The following MCM8 variants were observed in gnomAD, a reference collection of about 807,000 sequenced individuals.
The protein encoded by MCM8 is minichromosome maintenance 8 homologous recombination repair factor.
In MCM8, 85 loss-of-function variants were observed where a neutral mutation model predicts 98.9. The ratio of observed to expected loss-of-function variants is 0.86; its 90% CI spans 0.72 to 1.03. MCM8 has a LOEUF of 1.03. MCM8 is among the 50% of genes least tolerant of loss of function. The pLI is 0.00. For missense variants in MCM8, 951 were observed against 997.8 expected, an observed-to-expected ratio of 0.95 and a Z score of 0.63; for synonymous variants, 352 against 338.6, an observed-to-expected ratio of 1.04 and a Z score of -0.44.
At chr20:5,970,401 C>T (rs565950863) in intron 10 of MCM8, among the ~76,000 whole-genome samples, 3 of 152,290 alleles carry the variant, frequency 2.0e-5, no homozygotes, top group East Asian at 1.9e-4. Flanking sequence ...GGTGCCTTAA[C>T]GAACAGGTGA....
chr20:5,962,352 C>CTTTTTTTTTTTTTTT (rs926577182), intron 7 of MCM8, among the ~76,000 whole-genome samples: 1 of 40,580 alleles, frequency 2.5e-5, no homozygotes. Context: ...GCCTTCATTT[C>CTTTTTTTTTTTTTTT]TTTTTTTTTT....
At chr20:5,967,384 C>G in intron 8 of MCM8, 52 bp from the exon 9 acceptor site, 3 of 1,538,374 alleles carry the variant, frequency 2.0e-6, no homozygotes, top group Non-Finnish European at 2.7e-6. Context: ...TAATATCTTG[C>G]AGAAACCATC....
chr20:5,966,452 T>G (rs1248584886), intron 8 of MCM8, among the ~76,000 whole-genome samples: 1 of 152,208 alleles, frequency 6.6e-6, no homozygotes, highest in African/African-American at 2.4e-5. Context: ...CTTTAAATTT[T>G]CTTGATTTTG....
chr20:5,985,655 C>G (rs1182028807), intron 15 of MCM8, among the ~76,000 whole-genome samples: 1 of 151,894 alleles, frequency 6.6e-6, no homozygotes, highest in Non-Finnish European at 1.5e-5. Flanking sequence ...AAGTGATTCT[C>G]CTGCCTCAGT....
chr20:5,974,837 A>G (rs957222298), intron 12 of MCM8, among the ~76,000 whole-genome samples: 5 of 152,172 alleles, frequency 3.3e-5, no homozygotes, highest in East Asian at 1.9e-4. Flanking sequence ...TAGATATTTC[A>G]TCTATGTTTG....
chr20:5,989,813 G>A (rs2089810554), intron 17 of MCM8, among the ~76,000 whole-genome samples: 1 of 152,116 alleles, frequency 6.6e-6, no homozygotes, highest in South Asian at 2.1e-4. Flanking sequence ...CCCTTAGAGG[G>A]AGTCCATGGA....
chr20:5,980,385 G>A (rs1333531776), intron 13 of MCM8, among the ~76,000 whole-genome samples: 1 of 151,900 alleles, frequency 6.6e-6, no homozygotes, highest in Non-Finnish European at 1.5e-5. Flanking sequence ...TATATAGAAG[G>A]CATTCAGTTT....
rs1431515829 is a variant in MCM8, at chr20:5,973,247, A to G, written c.1395+51A>G. ...GTTCTTTTGCTTGTAAAATGCGTTAATAATTCACAAGTGAATTTTCTCAAA... is the reference window on the plus strand; with the variant it reads ...GTTCTTTTGCTTGTAAAATGCGTTAGTAATTCACAAGTGAATTTTCTCAAA... On this transcript the variant is annotated intron_variant, in intron 12 of 18. Coordinates refer to ENST00000610722, the MANE Select transcript of MCM8 (RefSeq NM_032485.6). 3.1e-6 allele frequency: 5 copies of G among 1,602,210 alleles called. No homozygotes were observed. In the African/African-American group the frequency reaches 5.4e-5, roughly 17 times the overall value.
chr20:5,987,430 C>A, intron 17 of MCM8, 72 bp downstream of exon 17: 3 of 1,249,568 alleles, frequency 2.4e-6, no homozygotes, highest in African/African-American at 1.5e-5. Flanking sequence ...GGTAATAGGC[C>A]AAGGCTACTT....
intron 8 of MCM8, chr20:5,964,454 A>T (rs909491442): frequency 3.3e-5 from 5 of 152,242 alleles, no homozygotes; most frequent in African/African-American, 1.2e-4. Context: ...AAGACTCTTG[A>T]GTATGATCGT....
At chr20:5,972,774 A>G (rs1568584332) in intron 11 of MCM8, 2 of 1,368,506 alleles carry the variant, frequency 1.5e-6, no homozygotes, top group Non-Finnish European at 1.9e-6. Context: ...GTATTAAAGC[A>G]AAAACAAATA....
chr20:5,954,984 C>A, intron 4 of MCM8, 118 bp from the exon 5 acceptor site: 1 of 715,422 alleles, frequency 1.4e-6, no homozygotes, highest in African/African-American at 1.8e-5. Context: ...TTATGTCATA[C>A]TTACCATTAT....
intron 10 of MCM8, among the ~76,000 whole-genome samples, chr20:5,970,927 G>A (rs2089388762): frequency 6.6e-6 from 1 of 152,038 alleles, no homozygotes; most frequent in Admixed American, 6.6e-5. Context: ...TCCCACCTCA[G>A]CCTCACAAGT....
chr20:5,985,006 A>AG lies in MCM8; in HGVS notation c.1953+6_1953+7insG. 6.2e-7 allele frequency: 1 copy of AG among 1,606,966 alleles called. No homozygotes were observed. Among genetic ancestry groups the AG allele is most frequent in the East Asian group, 2.2e-5 (1 of 44,820 alleles). ...CATTATCAGAAAGACTAAAGGTATA[A>AG]ATGTTTCTTCTCCTTATTCAGTTTG... is the stretch of plus-strand genomic sequence containing the variant. On this transcript the variant is annotated splice_region_variant and intron_variant, in intron 15 of 18. Transcript: ENST00000610722.
At chr20:5,969,753 T>G (rs769244172) in intron 10 of MCM8, among the ~76,000 whole-genome samples, 7 of 152,138 alleles carry the variant, frequency 4.6e-5, no homozygotes, top group Non-Finnish European at 8.8e-5. Context: ...AAATCCTACT[T>G]CCCTCTGAAT....
At chr20:5,961,944 C>A (rs2089153574) in intron 7 of MCM8, among the ~76,000 whole-genome samples, 1 of 152,154 alleles carries the variant, frequency 6.6e-6, no homozygotes, top group African/African-American at 2.4e-5. Context: ...AACTCAGTGG[C>A]CGAAAATAAA....
intron 17 of MCM8, among the ~76,000 whole-genome samples, chr20:5,990,399 A>G (rs568755926): frequency 5.1e-4 from 77 of 151,948 alleles, no homozygotes; most frequent in Admixed American, 3.9e-3. Flanking sequence ...TGACCCATCA[A>G]TTTTCTCTCT....
intron 5 of MCM8, among the ~76,000 whole-genome samples, 192 bp downstream of exon 5, chr20:5,955,443 A>G (rs1462915297): frequency 2.0e-5 from 3 of 152,254 alleles, no homozygotes; most frequent in African/African-American, 4.8e-5. Context: ...CATTCATTCT[A>G]TATACAACAG....
chr20:5,990,788 G>C (rs1472629400), intron 17 of MCM8, among the ~76,000 whole-genome samples: 1 of 151,872 alleles, frequency 6.6e-6, no homozygotes, highest in Non-Finnish European at 1.5e-5. Context: ...AAAAAACAAA[G>C]ACCAAAAATA....
Sources: allele counts gnomAD v4.1 joint callset (sites outside exome capture counted in the v4.1 genomes callset), GRCh38; gene constraint gnomAD v4.1.1; transcripts MANE v1.5; gene names NCBI Gene and HGNC (gene_info 2026-07-23, HGNC 2026-07-21).